MAGI2: variants seen among roughly 807,000 people sequenced by gnomAD.
MAGI2 encodes the protein membrane associated guanylate kinase, WW and PDZ domain containing 2.
A neutral mutation model predicts 133.3 loss-of-function variants in MAGI2; 35 were observed. The ratio of observed to expected loss-of-function variants is 0.26; its 90% confidence interval spans 0.20 to 0.35. MAGI2 has a LOEUF of 0.35. Among genes scored for constraint, MAGI2 ranks in the 10% least tolerant of loss-of-function variants. The pLI, the probability that MAGI2 is intolerant of heterozygous loss-of-function variation, is 1.00. For missense variants in MAGI2, 1,636 were observed against 1,863.4 expected (o/e 0.88, Z 2.25); for synonymous variants, 729 against 710.6 (o/e 1.03, Z -0.41).
intron 2 of MAGI2, among the ~76,000 whole-genome samples, chr7:78,655,704 G>A (rs902009365): frequency 1.4e-4 from 22 of 152,058 alleles, no homozygotes; most frequent in African/African-American, 4.6e-4. Context: ...AGGTTTGGCC[G>A]GGCGCAGTGG....
chr7:78,028,028 T>G (rs1321811384), intron 21 of MAGI2, among the ~76,000 whole-genome samples: 1 of 152,236 alleles, frequency 6.6e-6, no homozygotes, highest in Non-Finnish European at 1.5e-5. Flanking sequence ...GACAGTAATG[T>G]GAAGTCATTT....
At chr7:79,433,369 G>A (rs1847910863) in intron 1 of MAGI2, among the ~76,000 whole-genome samples, 2 of 152,028 alleles carry the variant, frequency 1.3e-5, no homozygotes, top group African/African-American at 4.8e-5. Flanking sequence ...GGCTAACACG[G>A]TGAAACCCCT....
chr7:78,959,199 C>A (rs965881854), intron 2 of MAGI2, among the ~76,000 whole-genome samples: 1 of 152,040 alleles, frequency 6.6e-6, no homozygotes, highest in Non-Finnish European at 1.5e-5. Context: ...AAAAGAGACA[C>A]CTTAGGCAAC....
intron 1 of MAGI2, chr7:79,139,909 G>A (rs1821956905): frequency 6.6e-6 from 1 of 152,190 alleles, no homozygotes; most frequent in Admixed American, 6.5e-5. Context: ...TGGAAACCAT[G>A]TGAAGATGGG....
At position 78,256,324 on chromosome 7, in the gene MAGI2, G is replaced by A. The variant is rs2150951597; in HGVS notation, c.1666C>T (p.Gln556Ter). 6.2e-7 allele frequency: 1 copy of A among 1,614,092 alleles called. No homozygotes were observed. Among genetic ancestry groups the A allele is most frequent in the Non-Finnish European group, 8.5e-7 (1 of 1,180,000 alleles). The change falls in exon 10 of 22, where the codon CAG becomes TAG. Residue 556 changes from glutamine (Q) to a stop codon, truncating the protein, a stop_gained. Transcript: ENST00000354212. LOFTEE classifies it high-confidence loss of function. ...TYLEYISRTSQSVPDITDRPP... is the reference protein window; with the variant it reads ...TYLEYISRTS ...CGATCTGTTATATCTGGAACTGACTGTGAGGTCCGAGAAATGTACTCCAAA... is the reference window on the plus strand; with the variant it reads ...CGATCTGTTATATCTGGAACTGACTATGAGGTCCGAGAAATGTACTCCAAA...
At position 78,345,937 on chromosome 7, in the gene MAGI2, C is replaced by T. The variant is rs368827830; in HGVS notation, c.1210G>A (p.Ala404Thr). 1.2e-6 allele frequency: 2 copies of T among 1,614,084 alleles called. No homozygotes were observed. The highest frequency in any genetic ancestry group is 4.5e-5 in the East Asian group (2 of 44,872). Residue 404 changes from alanine (A) to threonine (T), a missense_variant, in exon 8 of 22, where the codon GCC (alanine) becomes ACC (threonine). By Grantham distance (58) the Ala-to-Thr change is moderately conservative. Coordinates refer to ENST00000354212, the MANE Select transcript of MAGI2 (RefSeq NM_012301.4). Reference protein sequence around the residue: ...HTELGTKPLQAPGFREKPLFT... With the variant: ...HTELGTKPLQTPGFREKPLFT... ...GGTATCATACCTCGGAAACCTGGGGCCTGCAGGGGCTTTGTTCCAAGTTCT... is the reference window on the plus strand; with the variant it reads ...GGTATCATACCTCGGAAACCTGGGGTCTGCAGGGGCTTTGTTCCAAGTTCT...
intron 3 of MAGI2, among the ~76,000 whole-genome samples, chr7:78,591,174 G>A (rs1803961697): frequency 6.6e-6 from 1 of 152,174 alleles, no homozygotes; most frequent in Admixed American, 6.5e-5. Flanking sequence ...GCAGCACATA[G>A]GAAATGCTTT....
At chr7:79,006,259 T>C (rs892764192) in intron 2 of MAGI2, among the ~76,000 whole-genome samples, 2 of 152,166 alleles carry the variant, frequency 1.3e-5, no homozygotes, top group African/African-American at 4.8e-5. Context: ...ACTCATAGCT[T>C]TGAATTTATT....
intron 6 of MAGI2, among the ~76,000 whole-genome samples, chr7:78,440,176 C>A (rs1787469042): frequency 1.3e-5 from 2 of 152,070 alleles, no homozygotes; most frequent in Admixed American, 6.6e-5. Context: ...TATCTGGATT[C>A]ATACCTCGAT....
intron 9 of MAGI2, among the ~76,000 whole-genome samples, chr7:78,284,504 TC>T (rs1285117661): frequency 6.6e-6 from 1 of 151,508 alleles, no homozygotes; most frequent in African/African-American, 2.4e-5. Flanking sequence ...AAGAAGCTGA[TC>T]ACGCTGATTT....
intron 1 of MAGI2, among the ~76,000 whole-genome samples, chr7:79,140,831 A>C (rs1822057053): frequency 6.6e-6 from 1 of 152,202 alleles, no homozygotes; most frequent in Non-Finnish European, 1.5e-5. Flanking sequence ...CAATGTAAAA[A>C]ATTACGAGAT....
chr7:78,806,352 C>A (rs754162257), intron 2 of MAGI2, among the ~76,000 whole-genome samples: 74 of 152,132 alleles, frequency 4.9e-4, no homozygotes, highest in Non-Finnish European at 8.5e-4. Context: ...ATTTAAATTT[C>A]TTAGAGAAAT....
intron 2 of MAGI2, among the ~76,000 whole-genome samples, chr7:78,960,984 G>C (rs1802785357): frequency 6.6e-6 from 1 of 152,138 alleles, no homozygotes; most frequent in Non-Finnish European, 1.5e-5. Flanking sequence ...GGAATTTGGG[G>C]ATAAAATACC....
At chr7:79,015,410 A>G (rs1808598962) in intron 1 of MAGI2, among the ~76,000 whole-genome samples, 1 of 152,198 alleles carries the variant, frequency 6.6e-6, no homozygotes, top group South Asian at 2.1e-4. Flanking sequence ...GTTCACTCCA[A>G]ATGGCTTTAT....
intron 6 of MAGI2, among the ~76,000 whole-genome samples, chr7:78,428,310 G>C (rs1338669893): frequency 6.6e-6 from 1 of 152,006 alleles, no homozygotes; most frequent in Non-Finnish European, 1.5e-5. Flanking sequence ...GTCATTATTT[G>C]AAAACACACT....
chr7:79,237,638 C>T (rs1026610196), intron 1 of MAGI2, among the ~76,000 whole-genome samples: 1 of 152,190 alleles, frequency 6.6e-6, no homozygotes, highest in African/African-American at 2.4e-5. Context: ...CATGCCAACA[C>T]TCACAGTTGG....
intron 2 of MAGI2, among the ~76,000 whole-genome samples, chr7:78,980,686 T>C (rs1470084012): frequency 6.6e-6 from 1 of 151,960 alleles, no homozygotes. Flanking sequence ...AATAATTTCT[T>C]AGTCCATTAT....
intron 16 of MAGI2, among the ~76,000 whole-genome samples, chr7:78,151,475 T>G (rs1194237143): frequency 6.6e-6 from 1 of 152,162 alleles, no homozygotes; most frequent in Non-Finnish European, 1.5e-5. Flanking sequence ...GGGGGCACAT[T>G]AAGGCCACTG....
intron 9 of MAGI2, among the ~76,000 whole-genome samples, chr7:78,337,351 A>G (rs1789879068): frequency 6.6e-6 from 1 of 152,192 alleles, no homozygotes; most frequent in Non-Finnish European, 1.5e-5. Flanking sequence ...AAAAGCAGCC[A>G]AAGGCACACT....
Sources: allele counts gnomAD v4.1 joint callset (sites outside exome capture counted in the v4.1 genomes callset), GRCh38; gene constraint gnomAD v4.1.1; transcripts MANE v1.5; gene names NCBI Gene and HGNC (gene_info 2026-07-23, HGNC 2026-07-21).